GNAS: variants seen among roughly 807,000 people sequenced by gnomAD.
GNAS encodes the protein GNAS complex locus.
Under a neutral mutation model 54.5 loss-of-function variants are expected in GNAS, and 8 were observed. The observed-to-expected ratio is 0.15, with a 90% CI of 0.09 to 0.26. The LOEUF (loss-of-function observed/expected upper bound fraction) is 0.26, where lower values mean the gene tolerates loss of function less well. Ranked by LOEUF, GNAS falls within the 10% of genes least tolerant of loss-of-function variation. The probability of loss-of-function intolerance (pLI) is 1.00; values close to 1 mark genes in which losing one functional copy is unlikely to be tolerated. For synonymous variants in GNAS, 204 were observed against 191.4 expected (o/e 1.07, Z -0.54); for missense variants, 170 against 529.8 (o/e 0.32, Z 6.67).
chr20:58,882,689 ACT>A (rs1323444045), intron 1 of GNAS, among the ~76,000 whole-genome samples: 1 of 151,936 alleles, frequency 6.6e-6, no homozygotes, highest in African/African-American at 2.4e-5. Flanking sequence ...TCACCTATTA[ACT>A]CTTTCAGGAT....
At chr20:58,864,383 A>G (rs1359621571) in intron 1 of GNAS, among the ~76,000 whole-genome samples, 3 of 152,108 alleles carry the variant, frequency 2.0e-5, no homozygotes, top group Admixed American at 2.0e-4. Flanking sequence ...GGAAGTGTCC[A>G]TCCTAATTCC....
At chr20:58,895,733 TTATAC>T (rs1174440642) in intron 2 of GNAS, 49 bp downstream of exon 2, 1 of 1,060,670 alleles carries the variant, frequency 9.4e-7, no homozygotes, top group Admixed American at 1.7e-5. Context: ...GGAACAGACT[TTATAC>T]TAACCTTTAG....
rs926782530 is a variant in GNAS, at chr20:58,841,432, G to T, written c.43+546G>T. ...ACTCTAGAGACTGACCACCCGGGAG[G>T]GAAGTCACGCGCGCGCGGCGCCTAA... On this transcript the variant is annotated intron_variant, in intron 1 of 12. Coordinates refer to the GNAS transcript ENST00000306090. The surrounding 1 kb of genome is among the most constrained non-coding windows in gnomAD (Gnocchi z 5.0). 6 of 991,684 alleles carry T rather than the reference G, an allele frequency of 6.1e-6. No homozygotes were observed. Among genetic ancestry groups the T allele is most frequent in the Non-Finnish European group, 6.0e-6 (5 of 833,962 alleles). 61.4% of individuals were successfully genotyped at this position (991,684 alleles called of 1,614,324 possible). A position where few individuals can be genotyped will look rare whatever the true frequency, so the allele number is the denominator to read the frequency against.
chr20:58,910,888 A>G lies in GNAS; in HGVS notation c.*59A>G, dbSNP rs564569012. ...GCACAATTAATTAAAAGTGAAACGT[A>G]ATTGTACAAGCAGTTAATCACCCAC... On this transcript the variant is annotated 3_prime_UTR_variant, in exon 13 of 13. Transcript: ENST00000371085. This position sits in a 1 kb window ranked among gnomAD's most constrained non-coding sequence, Gnocchi z 5.8. The G allele has an allele frequency of 6.6e-7, 1 of 1,522,300 alleles. No homozygotes were observed. Among genetic ancestry groups the G allele is most frequent in the South Asian group, 1.1e-5 (1 of 89,122 alleles). The allele number at this position is 1,522,300 out of a possible 1,614,324, so 94.3% of individuals were successfully genotyped here. A position where few individuals can be genotyped will look rare whatever the true frequency, so the allele number is the denominator to read the frequency against.
At chr20:58,872,501 G>C (rs2087535034) in intron 1 of GNAS, among the ~76,000 whole-genome samples, 1 of 152,130 alleles carries the variant, frequency 6.6e-6, no homozygotes, top group Admixed American at 6.5e-5. Flanking sequence ...CTTGAGAATT[G>C]GGTTCCAGCC....
rs530945287 is a variant in GNAS at position 58,898,869 on chromosome 20, G to C, written c.213-72G>C. The C allele has an allele frequency of 2.4e-6, 3 of 1,254,334 alleles. No individual in the cohort carries two copies. In the African/African-American group the frequency reaches 4.4e-5, roughly 18 times the overall value. 77.7% of individuals were successfully genotyped at this position (1,254,334 alleles called of 1,614,324 possible). ...TTGGCTGATGGTTGAGGAATGTAGAGAGACTGTGTGGGGTTTGTGTGACAC... is the reference window on the plus strand; with the variant it reads ...TTGGCTGATGGTTGAGGAATGTAGACAGACTGTGTGGGGTTTGTGTGACAC... On this transcript the variant is annotated intron_variant, in intron 2 of 12. Coordinates refer to ENST00000371085, the MANE Select transcript of GNAS (RefSeq NM_000516.7).
chr20:58,855,349 C>G (rs1201951718), intron 1 of GNAS: 9 of 1,556,244 alleles, frequency 5.8e-6, no homozygotes, highest in Non-Finnish European at 7.8e-6. Context: ...GCGGCGGACT[C>G]TGCCTGCGGG....
At chr20:58,840,410 G>C (rs752452409), upstream of GNAS, 28 of 1,613,480 alleles carry the variant, frequency 1.7e-5, no homozygotes, top group Non-Finnish European at 2.4e-5. The surrounding 1 kb of genome is among the most constrained non-coding windows in gnomAD (Gnocchi z 6.0). Context: ...CGAGTGCCTA[G>C]AGTACGAGGA....
intron 1 of GNAS, among the ~76,000 whole-genome samples, chr20:58,874,586 G>C (rs1260011151): frequency 6.6e-6 from 1 of 152,108 alleles, no homozygotes; most frequent in African/African-American, 2.4e-5. Flanking sequence ...CTTAGCTCTA[G>C]CCTTACATCT....
intron 3 of GNAS, 101 bp downstream of exon 3, chr20:58,899,086 C>G: frequency 1.1e-6 from 1 of 913,276 alleles, no homozygotes; most frequent in East Asian, 2.4e-5. Flanking sequence ...AAATAAAAAT[C>G]ATTTAAAGGA....
chr20:58,896,178 T>A lies in GNAS; in HGVS notation c.212+494T>A, dbSNP rs554514300. Among the ~76,000 whole-genome samples the A allele has an allele frequency of 2.6e-5, 4 of 152,310 alleles. 1 individual carries two copies. Among genetic ancestry groups the A allele is most frequent in the Admixed American group, 2.6e-4 (4 of 15,302 alleles). On this transcript the variant is annotated intron_variant, in intron 2 of 12. Transcript: ENST00000371085. ...TTAGGGAAACATTGTTTCCATAATA[T>A]TCTCACCAGAAACAGATGTGGAAGT...
Position 58,895,608 on chromosome 20 carries a change from C to G in GNAS, c.140-4C>G. ...ATAACCTGAGACTTACTTTCATTTTCTAGGTGCTGGAGAATCTGGTAAAAG... is the reference window on the plus strand; with the variant it reads ...ATAACCTGAGACTTACTTTCATTTTGTAGGTGCTGGAGAATCTGGTAAAAG... On this transcript the variant is annotated splice_region_variant and splice_polypyrimidine_tract_variant and intron_variant, in intron 1 of 12. Transcript: ENST00000371085. The G allele has an allele frequency of 6.3e-7, 1 of 1,581,330 alleles. No homozygotes were observed. Among genetic ancestry groups the G allele is most frequent in the African/African-American group, 1.3e-5 (1 of 74,396 alleles).
At position 58,905,395 on chromosome 20, in the gene GNAS, C is replaced by T. The variant is rs2146208717; in HGVS notation, c.445C>T (p.His149Tyr). 1 of 1,593,022 alleles carries T rather than the reference C, an allele frequency of 6.3e-7. No individual in the cohort carries two copies. Among genetic ancestry groups the T allele is most frequent in the Non-Finnish European group, 8.6e-7 (1 of 1,160,812 alleles). ...TGTTCACTTTCAGGAATTCTATGAG[C>T]ATGCCAAGGCTCTGTGGGAGGATGA... is the stretch of plus-strand genomic sequence containing the variant. Reference protein sequence around the residue: ...DFDFPPEFYEHAKALWEDEGV... With the variant: ...DFDFPPEFYEYAKALWEDEGV... The change falls in exon 6 of 13, where the codon CAT becomes TAT. Residue 149 changes from histidine (H) to tyrosine (Y), a missense_variant. His to Tyr is a moderately conservative substitution (Grantham distance 83). Coordinates refer to ENST00000371085, the MANE Select transcript of GNAS (RefSeq NM_000516.7).
Position 58,909,864 on chromosome 20 carries a change from T to C in GNAS, c.839+60T>C, listed in dbSNP as rs995377916. 4 of 1,612,822 alleles carry C rather than the reference T, an allele frequency of 2.5e-6. No homozygotes were observed. The highest frequency in any genetic ancestry group is 3.4e-6 in the Non-Finnish European group (4 of 1,179,676). ...CCAGGAGGCCCTGGTCTGCACTGTT[T>C]ATAGAGAAGAACCCCGTGCAAGCAT... On this transcript the variant is annotated intron_variant, in intron 10 of 12. Coordinates refer to ENST00000371085, the MANE Select transcript of GNAS (RefSeq NM_000516.7). This position sits in a 1 kb window ranked among gnomAD's most constrained non-coding sequence, Gnocchi z 7.3.
At position 58,910,939 on chromosome 20, in the gene GNAS, C is replaced by G; in HGVS notation, c.*110C>G. 1 of 1,080,372 alleles carries G rather than the reference C, an allele frequency of 9.3e-7. No homozygotes were observed. The highest frequency in any genetic ancestry group is 1.4e-6 in the Non-Finnish European group (1 of 715,420). The allele number at this position is 1,080,372 out of a possible 1,614,324, so 66.9% of individuals were successfully genotyped here. A position where few individuals can be genotyped will look rare whatever the true frequency, so the allele number is the denominator to read the frequency against. The stretch of plus-strand genomic sequence containing the variant: ...CATAGGGCATGATTAACAAAGCAAC[C>G]TTTCCCTTCCCCCGAGTGATTTTGC... On this transcript the variant is annotated 3_prime_UTR_variant, in exon 13 of 13. Coordinates refer to ENST00000371085, the MANE Select transcript of GNAS (RefSeq NM_000516.7). The surrounding 1 kb of genome is among the most constrained non-coding windows in gnomAD (Gnocchi z 5.8).
At chr20:58,899,524 C>T (rs1229122605) in intron 3 of GNAS, 1 of 546,784 alleles carries the variant, frequency 1.8e-6, no homozygotes, top group East Asian at 4.9e-5. Flanking sequence ...TAAAAATGAT[C>T]AAATTTATTT....
chr20:58,878,115 T>C (rs1357451590), intron 1 of GNAS, among the ~76,000 whole-genome samples: 1 of 152,240 alleles, frequency 6.6e-6, no homozygotes, highest in Non-Finnish European at 1.5e-5. Flanking sequence ...TGAGAGCCTC[T>C]GGTGCAGACT....
In GNAS at chr20:58,891,583, C is replaced by A; in HGVS notation, c.-144C>A. 1 of 971,658 alleles carries A rather than the reference C, an allele frequency of 1.0e-6. No homozygotes were observed. The highest frequency in any genetic ancestry group is 4.7e-5 in the South Asian group (1 of 21,422). 60.2% of individuals were successfully genotyped at this position (971,658 alleles called of 1,614,324 possible). ...CGCCCCGCGGCCCGCGGCCCGCAGT[C>A]CGCCCCGCGCGCTCCTTGCCGAGGA... On this transcript the variant is annotated 5_prime_UTR_variant, in exon 1 of 13. Transcript: ENST00000371085.
At chr20:58,899,221 A>G (rs2090365893) in intron 3 of GNAS, among the ~76,000 whole-genome samples, 1 of 152,212 alleles carries the variant, frequency 6.6e-6, no homozygotes, top group South Asian at 2.1e-4. Flanking sequence ...AGCTGGGGGA[A>G]AGTTATAGAT....
Sources: allele counts gnomAD v4.1 joint callset (sites outside exome capture counted in the v4.1 genomes callset), GRCh38; gene constraint gnomAD v4.1.1; non-coding constraint Gnocchi (gnomAD v3.1); transcripts MANE v1.5; gene names NCBI Gene and HGNC (gene_info 2026-07-23, HGNC 2026-07-21).